Variants in LHX1 observed in about 807,000 individuals in gnomAD.
LHX1 encodes the protein LIM/homeobox protein Lhx1.
Under a neutral mutation model 34.1 loss-of-function variants are expected in LHX1, and 9 were observed. The ratio of observed to expected loss-of-function variants is 0.26; its 90% CI spans 0.16 to 0.46. The LOEUF is 0.46. Ranked by LOEUF, LHX1 falls within the 20% of genes least tolerant of loss-of-function variation. LHX1 has a pLI of 1.00. For synonymous variants in LHX1, 254 were observed against 241.5 expected, an observed-to-expected ratio of 1.05 and a Z score of -0.48; for missense variants, 446 against 559.1, an observed-to-expected ratio of 0.80 and a Z score of 2.04.
intron 1 of LHX1, chr17:36,938,933 C>G: frequency 4.3e-6 from 1 of 234,170 alleles, no homozygotes; most frequent in Non-Finnish European, 8.6e-6. Flanking sequence ...GGACATGCCT[C>G]CGAGTGCAGA....
chr17:36,941,529 G>A (rs1387816289), intron 3 of LHX1: 4 of 258,210 alleles, frequency 1.5e-5, no homozygotes, highest in South Asian at 4.2e-5. Flanking sequence ...CTAGGTGTCC[G>A]GTTCACCGGG....
intron 3 of LHX1, 120 bp downstream of exon 3, chr17:36,941,007 G>A: frequency 6.9e-7 from 1 of 1,456,384 alleles, no homozygotes; most frequent in Non-Finnish European, 9.3e-7. Flanking sequence ...CAGAGGTGGG[G>A]TGCCTAGACA....
rs2070786538 is a variant in LHX1 at position 36,943,976 on chromosome 17, T to G, written c.*845T>G. Reference sequence around the variant, plus strand: ...TATTGAACTAAAAACAGTCAACTGTTTACGTATAATGTTAAATTCAGGAGT... The same window carrying G: ...TATTGAACTAAAAACAGTCAACTGTGTACGTATAATGTTAAATTCAGGAGT... On this transcript the variant is annotated 3_prime_UTR_variant, in exon 5 of 5. Transcript: ENST00000614239. The G allele has an allele frequency of 6.6e-6, 1 of 152,066 alleles. No individual in the cohort carries two copies. The highest frequency in any genetic ancestry group is 2.1e-4 in the South Asian group (1 of 4,822). 9.4% of individuals were successfully genotyped at this position (152,066 alleles called of 1,614,324 possible).
intron 1 of LHX1, chr17:36,938,707 TCTGCAGCAA>T (rs2070745741): frequency 2.2e-6 from 1 of 454,516 alleles, no homozygotes; most frequent in Admixed American, 3.4e-5. Flanking sequence ...GGAGCCAAGC[TCTGCAGCAA>T]CTGCATTCTC....
rs1296450135 is a variant in LHX1 at position 36,944,265 on chromosome 17, A to T, written c.*1134A>T. On this transcript the variant is annotated 3_prime_UTR_variant, in exon 5 of 5. Transcript: ENST00000614239. ...GGCACCAGCAACCTGAGAAAGTGTT[A>T]AAAAAAAAAAAAAAAAAGTGTTACA... 1.5e-5 allele frequency: 1 copy of T among 66,802 alleles called. No individual in the cohort carries two copies. Among genetic ancestry groups the T allele is most frequent in the Non-Finnish European group, 2.5e-5 (1 of 40,166 alleles). The allele number at this position is 66,802 out of a possible 1,614,324, so 4.1% of individuals were successfully genotyped here.
chr17:36,941,672 C>A (rs1030585350), intron 3 of LHX1: 2 of 192,990 alleles, frequency 1.0e-5, no homozygotes, highest in Non-Finnish European at 2.2e-5. Flanking sequence ...AATGAGAAGT[C>A]GTGTGTCTGT....
chr17:36,938,490 A>G, intron 1 of LHX1, 123 bp downstream of exon 1: 1 of 1,015,862 alleles, frequency 9.8e-7, no homozygotes, highest in East Asian at 2.6e-5. Context: ...GAGGGCAGCC[A>G]AGTCCCGCGG....
chr17:36,940,457 T>C lies in LHX1; in HGVS notation c.338T>C (p.Val113Ala). Residue 113 changes from valine (V) to alanine (A), a missense_variant, in exon 2 of 5, where the codon GTC becomes GCC. Around this residue, in one of 3 missense-constraint regions of LHX1, gnomAD observed 168 missense variants for 226.6 expected, o/e 0.74. Transcript: ENST00000614239. ...ELYIIDENKF[V>A]CKEDYLSNSS... Reference sequence around the variant, plus strand: ...TACATCATCGACGAGAATAAGTTCGTCTGCAAAGAGGATTACCTAAGTAAC... The same window carrying C: ...TACATCATCGACGAGAATAAGTTCGCCTGCAAAGAGGATTACCTAAGTAAC... 1 of 1,614,110 alleles carries C rather than the reference T, an allele frequency of 6.2e-7. No individual in the cohort carries two copies. The highest frequency in any genetic ancestry group is 8.5e-7 in the Non-Finnish European group (1 of 1,180,044).
Position 36,943,162 on chromosome 17 carries a change from G to A in LHX1, c.*31G>A. 3 of 1,604,538 alleles carry A rather than the reference G, an allele frequency of 1.9e-6. No homozygotes were observed. Among genetic ancestry groups the A allele is most frequent in the Non-Finnish European group, 2.6e-6 (3 of 1,174,422 alleles). On this transcript the variant is annotated 3_prime_UTR_variant, in exon 5 of 5. Coordinates refer to ENST00000614239, the MANE Select transcript of LHX1 (RefSeq NM_005568.5). ...TCTCGCACGGTCTGCGGAGTTCGTG[G>A]TTGTACAGAAATGAACCTTTATTTA...
chr17:36,941,729 G>T (rs1318210763), intron 3 of LHX1, among the ~76,000 whole-genome samples: 1 of 152,238 alleles, frequency 6.6e-6, no homozygotes, highest in African/African-American at 2.4e-5. Context: ...GGCACTGTGA[G>T]ATTGTACATG....
chr17:36,938,682 A>G lies in LHX1; in HGVS notation c.170+315A>G, dbSNP rs556915450. 3.7e-4 allele frequency: 183 copies of G among 500,538 alleles called. No individual in the cohort carries two copies. The Middle Eastern group carries it at 5.0e-3, about 14-fold the overall frequency. 31.0% of individuals were successfully genotyped at this position (500,538 alleles called of 1,614,324 possible). On this transcript the variant is annotated intron_variant, in intron 1 of 4. Coordinates refer to ENST00000614239, the MANE Select transcript of LHX1 (RefSeq NM_005568.5). ...GGCAGCCTCGGGCGTTGTAGCCCGG[A>G]CTGCTGTCTTTCCCGGAGCCAAGCT... is the stretch of plus-strand genomic sequence containing the variant.
intron 3 of LHX1, 40 bp downstream of exon 3, chr17:36,940,927 C>G (rs1174138639): frequency 6.5e-7 from 1 of 1,548,954 alleles, no homozygotes; most frequent in Admixed American, 1.9e-5. Flanking sequence ...CAGAGGCCCA[C>G]ACTGCCACTT....
chr17:36,942,250 C>T lies in LHX1; in HGVS notation c.726C>T (p.Ser242=), dbSNP rs374154007. 225 of 1,600,302 alleles carry T rather than the reference C, an allele frequency of 1.4e-4. No homozygotes were observed. Among genetic ancestry groups the T allele is most frequent in the Non-Finnish European group, 1.7e-4 (198 of 1,175,698 alleles). Residue 242 remains serine, a synonymous_variant, in exon 4 of 5, where the codon AGC becomes AGT. Transcript: ENST00000614239. ...AGGAGCGGAGGATGAAGCAGCTGAG[C>T]GCCCTGGGCGCCCGGCGCCACGCCT... ...RSKERRMKQL[S]ALGARRHAFF... is the part of the protein sequence containing the mutation.
At chr17:36,938,813 T>C in intron 1 of LHX1, 1 of 330,380 alleles carries the variant, frequency 3.0e-6, no homozygotes, top group Non-Finnish European at 5.9e-6. Flanking sequence ...GTCTTGGCGG[T>C]AAGCTCCGAG....
Position 36,937,949 on chromosome 17 carries a change from C to G in LHX1, c.-249C>G. ...CCTCGCCCCGGGAGCTCAGGCGGCG[C>G]CGCTCCAGCCCGGGGCCCCGGGACT... is the stretch of plus-strand genomic sequence containing the variant. On this transcript the variant is annotated 5_prime_UTR_variant, in exon 1 of 5. Coordinates refer to ENST00000614239, the MANE Select transcript of LHX1 (RefSeq NM_005568.5). 3 of 600,702 alleles carry G rather than the reference C, an allele frequency of 5.0e-6. No individual in the cohort carries two copies. Among genetic ancestry groups the G allele is most frequent in the Non-Finnish European group, 8.9e-6 (3 of 335,350 alleles). 37.2% of individuals were successfully genotyped at this position (600,702 alleles called of 1,614,324 possible).
Position 36,943,480 on chromosome 17 carries a change from G to A in LHX1, c.*349G>A, listed in dbSNP as rs534706520. The A allele has an allele frequency of 8.6e-4, 217 of 253,630 alleles. 1 individual carries two copies. Among genetic ancestry groups the A allele is most frequent in the African/African-American group, 4.7e-3 (212 of 44,940 alleles). The allele number at this position is 253,630 out of a possible 1,614,324, so 15.7% of individuals were successfully genotyped here. A position where few individuals can be genotyped will look rare whatever the true frequency, so the allele number is the denominator to read the frequency against. ...CGGCGAAAAGACGTCCAGGGCAGCC[G>A]CGGGTGCGCACAGCCGTTGGCGATG... On this transcript the variant is annotated 3_prime_UTR_variant, in exon 5 of 5. Coordinates refer to ENST00000614239, the MANE Select transcript of LHX1 (RefSeq NM_005568.5).
Position 36,943,305 on chromosome 17 carries a change from A to C in LHX1, c.*174A>C. Reference sequence around the variant, plus strand: ...AAAGGGGGACACGAAATAGGATCCAAATCGGCCTCGAGGTGGGACTGGGAT... The same window carrying C: ...AAAGGGGGACACGAAATAGGATCCACATCGGCCTCGAGGTGGGACTGGGAT... On this transcript the variant is annotated 3_prime_UTR_variant, in exon 5 of 5. Transcript: ENST00000614239. The C allele has an allele frequency of 2.6e-6, 2 of 783,336 alleles. No homozygotes were observed. The highest frequency in any genetic ancestry group is 3.9e-6 in the Non-Finnish European group (2 of 518,290). 48.5% of individuals were successfully genotyped at this position (783,336 alleles called of 1,614,324 possible).
rs769143068 is a variant in LHX1 at position 36,940,487 on chromosome 17, G to A, written c.368G>A (p.Ser123Asn). ...AAAGAGGATTACCTAAGTAACAGCA[G>A]TGTTGCCAAAGAGAACAGCCTTCAC... is the stretch of plus-strand genomic sequence containing the variant. ...VCKEDYLSNS[S>N]VAKENSLHSA... The change falls in exon 2 of 5, where the codon AGT (serine) becomes AAT (asparagine). Residue 123 changes from serine (S) to asparagine (N), a missense_variant. By Grantham distance (46) the Ser-to-Asn change is conservative. Coordinates refer to ENST00000614239, the MANE Select transcript of LHX1 (RefSeq NM_005568.5). 2.5e-6 allele frequency: 4 copies of A among 1,614,024 alleles called. No homozygotes were observed. Among genetic ancestry groups the A allele is most frequent in the Non-Finnish European group, 3.4e-6 (4 of 1,180,040 alleles).
chr17:36,939,736 A>G (rs573269695), intron 1 of LHX1, among the ~76,000 whole-genome samples: 11 of 152,322 alleles, frequency 7.2e-5, no homozygotes, highest in African/African-American at 2.6e-4. Context: ...CGCTAAGGCT[A>G]CGGAGGGGGG....
Sources: allele counts gnomAD v4.1 joint callset (sites outside exome capture counted in the v4.1 genomes callset), GRCh38; gene constraint gnomAD v4.1.1; regional missense constraint gnomAD v4.1.1; transcripts MANE v1.5; gene names NCBI Gene and HGNC (gene_info 2026-07-23, HGNC 2026-07-21).